The following EMP2 variants were observed in gnomAD, a reference collection of about 807,000 sequenced individuals.
EMP2 encodes the protein epithelial membrane protein 2.
EMP2 carries 19 observed loss-of-function variants against 13.7 expected under a neutral mutation model. The ratio of observed to expected loss-of-function variants is 1.38; its 90% CI spans 0.97 to 2.03. The LOEUF (loss-of-function observed/expected upper bound fraction) is 2.03, where lower values mean the gene tolerates loss of function less well. Among genes scored for constraint, EMP2 ranks in the 30% most tolerant of loss-of-function variants. The probability of loss-of-function intolerance (pLI) is 0.00; values close to 1 mark genes in which losing one functional copy is unlikely to be tolerated. For missense variants in EMP2, 253 were observed against 220.7 expected (o/e 1.15, Z -0.93); for synonymous variants, 97 against 84.7 (o/e 1.15, Z -0.80).
chr16:10,552,788 G>C (rs1424171084), intron 1 of EMP2, among the ~76,000 whole-genome samples: 2 of 152,174 alleles, frequency 1.3e-5, no homozygotes, highest in Non-Finnish European at 2.9e-5. Context: ...GAAATCCTCA[G>C]GGTGGTTGTC....
At chr16:10,573,477 T>G (rs1198238994) in intron 1 of EMP2, among the ~76,000 whole-genome samples, 1 of 152,188 alleles carries the variant, frequency 6.6e-6, no homozygotes, top group Non-Finnish European at 1.5e-5. Flanking sequence ...TGGTCATCAT[T>G]TCCTTGTCTC....
At chr16:10,547,767 G>T in intron 1 of EMP2, 90 bp from the exon 2 acceptor site, 1 of 720,572 alleles carries the variant, frequency 1.4e-6, no homozygotes, top group Non-Finnish European at 2.3e-6. Context: ...TGGGCGTGGT[G>T]GCTCATGCCT....
At position 10,528,816 on chromosome 16, in the gene EMP2, G is replaced by A. The variant is rs973011414; in HGVS notation, c.*4089C>T. 6.6e-6 allele frequency: 1 copy of A among 152,192 alleles called. No individual in the cohort carries two copies. The highest frequency in any genetic ancestry group is 2.4e-5 in the African/African-American group (1 of 41,444). The allele number at this position is 152,192 out of a possible 1,614,324, so 9.4% of individuals were successfully genotyped here. On this transcript the variant is annotated 3_prime_UTR_variant, in exon 5 of 5. Coordinates refer to ENST00000359543, the MANE Select transcript of EMP2 (RefSeq NM_001424.6). Reference sequence around the variant, plus strand: ...GAGTTTAGTAACATCCCGCGAGGCAGATTTTAAACTACGATACAGTTTCTA... The same window carrying A: ...GAGTTTAGTAACATCCCGCGAGGCAAATTTTAAACTACGATACAGTTTCTA...
At chr16:10,561,526 C>T (rs2050871367) in intron 1 of EMP2, among the ~76,000 whole-genome samples, 1 of 152,000 alleles carries the variant, frequency 6.6e-6, no homozygotes. Context: ...CATGATGGGA[C>T]CCAGAAGCCA....
chr16:10,546,918 A>G (rs1323416392), intron 2 of EMP2: 3 of 152,224 alleles, frequency 2.0e-5, no homozygotes, highest in East Asian at 3.9e-4. Flanking sequence ...GGCTCTATGA[A>G]AGAATCACAG....
intron 1 of EMP2, among the ~76,000 whole-genome samples, chr16:10,550,036 T>C (rs142808701): frequency 0.018 from 2,663 of 151,698 alleles, 59 homozygotes; most frequent in African/African-American, 0.06. Flanking sequence ...CAGGCACGTG[T>C]CACCACGCCC....
intron 3 of EMP2, among the ~76,000 whole-genome samples, chr16:10,540,522 A>ATAAATAAATAAATAAAT (rs1418049480): frequency 4.6e-5 from 7 of 151,520 alleles, no homozygotes; most frequent in African/African-American, 1.7e-4. Context: ...AAATAAATAA[A>ATAAATAAATAAATAAAT]TAAACAAATA....
intron 3 of EMP2, among the ~76,000 whole-genome samples, chr16:10,540,372 G>A (rs1216761303): frequency 1.3e-5 from 2 of 152,100 alleles, no homozygotes; most frequent in Admixed American, 6.6e-5. Flanking sequence ...TGGGTGTGGT[G>A]GCACACACCT....
intron 1 of EMP2, among the ~76,000 whole-genome samples, chr16:10,560,581 G>C (rs2050864022): frequency 6.6e-6 from 1 of 152,236 alleles, no homozygotes; most frequent in South Asian, 2.1e-4. Flanking sequence ...CTGGGCATGA[G>C]TAAGGCATGC....
At chr16:10,566,074 T>C (rs953898869) in intron 1 of EMP2, among the ~76,000 whole-genome samples, 2 of 152,154 alleles carry the variant, frequency 1.3e-5, no homozygotes, top group African/African-American at 4.8e-5. Flanking sequence ...CCAGTTTCCA[T>C]CTGAACATGC....
At chr16:10,541,709 T>G (rs2354411) in intron 3 of EMP2, among the ~76,000 whole-genome samples, 66,123 of 151,906 alleles carry the variant, frequency 0.44, 14,674 homozygotes, top group Admixed American at 0.57. Context: ...GGAGCACCGA[T>G]GGTGTTCCGT....
intron 1 of EMP2, among the ~76,000 whole-genome samples, chr16:10,553,533 C>G (rs962925775): frequency 1.3e-5 from 2 of 152,240 alleles, no homozygotes. Context: ...CCCCAGTCAA[C>G]TTTCTTTGGC....
chr16:10,565,360 C>T (rs2050900494), intron 1 of EMP2, among the ~76,000 whole-genome samples: 1 of 152,140 alleles, frequency 6.6e-6, no homozygotes, highest in African/African-American at 2.4e-5. Flanking sequence ...CGGGCTATGC[C>T]TCATCCAATC....
rs138172958 is a variant in EMP2, at chr16:10,555,290, G to A, written c.-60-7613C>T. 3.6e-3 allele frequency among the ~76,000 whole-genome samples: 549 copies of A among 152,164 alleles called. 4 individuals are homozygous for A. Among genetic ancestry groups the A allele is most frequent in the Admixed American group, 0.013 (193 of 15,278 alleles). On this transcript the variant is annotated intron_variant, in intron 1 of 4. Coordinates refer to ENST00000359543, the MANE Select transcript of EMP2 (RefSeq NM_001424.6). Reference sequence around the variant, plus strand: ...TCTGCCACTTTGAAGCATAACTTTCGCTGTGGAATGCAAACTGCTTTTTTC... The same window carrying A: ...TCTGCCACTTTGAAGCATAACTTTCACTGTGGAATGCAAACTGCTTTTTTC...
chr16:10,557,883 A>G (rs1233354919), intron 1 of EMP2, among the ~76,000 whole-genome samples: 1 of 152,184 alleles, frequency 6.6e-6, no homozygotes, highest in Non-Finnish European at 1.5e-5. Flanking sequence ...AGCAGCAACA[A>G]GAAACCTCCG....
At chr16:10,571,901 C>T (rs2050950703) in intron 1 of EMP2, among the ~76,000 whole-genome samples, 2 of 152,204 alleles carry the variant, frequency 1.3e-5, no homozygotes. Flanking sequence ...GGCTCAAACA[C>T]CAGCCTGGTC....
intron 2 of EMP2, chr16:10,546,935 G>A (rs1462071437): frequency 6.6e-6 from 1 of 152,276 alleles, no homozygotes; most frequent in Non-Finnish European, 1.5e-5. Flanking sequence ...ACAGATGGGA[G>A]GACAAACGTC....
At chr16:10,576,088 T>C (rs1165717848) in intron 1 of EMP2, among the ~76,000 whole-genome samples, 1 of 152,162 alleles carries the variant, frequency 6.6e-6, no homozygotes, top group Non-Finnish European at 1.5e-5. Flanking sequence ...CTTAAAATGT[T>C]TTAAAGTTTA....
At chr16:10,578,639 G>A (rs1369041574) in intron 1 of EMP2, among the ~76,000 whole-genome samples, 5 of 152,210 alleles carry the variant, frequency 3.3e-5, no homozygotes, top group Non-Finnish European at 5.9e-5. Context: ...CCACTCAGCT[G>A]GTCGACTCCG....
Sources: allele counts gnomAD v4.1 joint callset (sites outside exome capture counted in the v4.1 genomes callset), GRCh38; gene constraint gnomAD v4.1.1; transcripts MANE v1.5; gene names NCBI Gene and HGNC (gene_info 2026-07-23, HGNC 2026-07-21).